Variants in SLC22A15 observed in about 807,000 individuals in gnomAD.
The protein encoded by SLC22A15 is solute carrier family 22 member 15.
In SLC22A15, 45 loss-of-function variants were observed where a neutral mutation model predicts 62.7. That is an observed-to-expected ratio of 0.72 (90% CI 0.56 to 0.92). The LOEUF is 0.92. Among genes scored for constraint, SLC22A15 ranks in the 40% least tolerant of loss-of-function variants. SLC22A15 has a pLI of 0.00. For missense variants in SLC22A15, 622 were observed against 665.6 expected (o/e 0.93, Z 0.72); for synonymous variants, 264 against 267.0 (o/e 0.99, Z 0.11).
At chr1:116,030,932 T>C (rs760448480) in intron 5 of SLC22A15, among the ~76,000 whole-genome samples, 3 of 152,150 alleles carry the variant, frequency 2.0e-5, no homozygotes, top group Non-Finnish European at 4.4e-5. Context: ...GTCAGGCTTT[T>C]TTAGAACTTA....
intron 9 of SLC22A15, among the ~76,000 whole-genome samples, chr1:116,063,277 A>T (rs1658425041): frequency 6.6e-6 from 1 of 152,232 alleles, no homozygotes; most frequent in Admixed American, 6.5e-5. Flanking sequence ...CAAAATACAC[A>T]CATTTTTAGA....
chr1:116,026,858 T>C, intron 4 of SLC22A15, 35 bp from the exon 5 acceptor site: 1 of 1,608,716 alleles, frequency 6.2e-7, no homozygotes, highest in Non-Finnish European at 8.5e-7. Flanking sequence ...CAGATGGTGC[T>C]TTCTCCAGTG....
At chr1:116,055,489 G>A (rs1460766798) in intron 8 of SLC22A15, among the ~76,000 whole-genome samples, 3 of 149,154 alleles carry the variant, frequency 2.0e-5, no homozygotes, top group African/African-American at 4.9e-5. Flanking sequence ...AGGAGGAACT[G>A]GTACCATTCC....
At chr1:116,053,393 A>T (rs1426505403) in intron 8 of SLC22A15, among the ~76,000 whole-genome samples, 3 of 152,208 alleles carry the variant, frequency 2.0e-5, no homozygotes, top group South Asian at 4.1e-4. Context: ...TCCAAGAAAT[A>T]TGGGACTATG....
At chr1:116,029,439 C>A (rs943608683) in intron 5 of SLC22A15, among the ~76,000 whole-genome samples, 15 of 152,214 alleles carry the variant, frequency 9.9e-5, no homozygotes, top group African/African-American at 3.1e-4. Context: ...ATGTAGAGGA[C>A]GGCATGTTCA....
chr1:116,036,463 T>C (rs1657632115), intron 7 of SLC22A15, among the ~76,000 whole-genome samples: 1 of 152,088 alleles, frequency 6.6e-6, no homozygotes, highest in Non-Finnish European at 1.5e-5. Flanking sequence ...AGAGTTAGGA[T>C]TGAAATCTGA....
intron 6 of SLC22A15, chr1:116,032,562 A>G: frequency 1.0e-6 from 1 of 985,414 alleles, no homozygotes; most frequent in Non-Finnish European, 1.2e-6. Context: ...ATTTTTCTAT[A>G]TCATATACTC....
At chr1:116,046,666 G>T (rs1255893320) in intron 8 of SLC22A15, among the ~76,000 whole-genome samples, 8 of 152,180 alleles carry the variant, frequency 5.3e-5, no homozygotes, top group Non-Finnish European at 1.2e-4. Context: ...AGGACCCACA[G>T]TCCCTCTGAA....
chr1:116,056,159 A>C (rs1261330950), intron 8 of SLC22A15, among the ~76,000 whole-genome samples: 2 of 152,110 alleles, frequency 1.3e-5, no homozygotes, highest in Non-Finnish European at 2.9e-5. Flanking sequence ...AGAAAATCCC[A>C]TTGTCTCAGC....
chr1:116,022,631 C>A (rs1473234885), intron 4 of SLC22A15, among the ~76,000 whole-genome samples: 1 of 152,220 alleles, frequency 6.6e-6, no homozygotes, highest in Non-Finnish European at 1.5e-5. Context: ...AGGACCAACC[C>A]TGGTCTCTTG....
intron 8 of SLC22A15, among the ~76,000 whole-genome samples, chr1:116,039,223 G>C (rs1657717143): frequency 6.6e-6 from 1 of 152,162 alleles, no homozygotes; most frequent in Admixed American, 6.5e-5. Flanking sequence ...AGAAAACGTG[G>C]ATGTATTGTC....
intron 8 of SLC22A15, among the ~76,000 whole-genome samples, chr1:116,060,562 T>C (rs781101503): frequency 2.0e-5 from 3 of 152,220 alleles, no homozygotes; most frequent in Non-Finnish European, 2.9e-5. Flanking sequence ...TTCTGAAAGA[T>C]ACCATTCTGT....
At chr1:116,048,775 G>A (rs956012340) in intron 8 of SLC22A15, among the ~76,000 whole-genome samples, 2 of 152,146 alleles carry the variant, frequency 1.3e-5, no homozygotes, top group African/African-American at 4.8e-5. Context: ...AATGTAAATG[G>A]CCTAACTGCT....
chr1:116,044,464 T>C (rs1171889014), intron 8 of SLC22A15, among the ~76,000 whole-genome samples: 1 of 152,226 alleles, frequency 6.6e-6, no homozygotes, highest in African/African-American at 2.4e-5. Context: ...AATACTTATA[T>C]TCTAAGGTCA....
intron 8 of SLC22A15, among the ~76,000 whole-genome samples, chr1:116,038,803 A>C (rs1471426301): frequency 2.2e-4 from 34 of 152,308 alleles, no homozygotes; most frequent in Non-Finnish European, 5.9e-5. Flanking sequence ...AGCTGCAATA[A>C]TAGTCCAGCT....
intron 8 of SLC22A15, among the ~76,000 whole-genome samples, chr1:116,043,133 T>C (rs1285338979): frequency 6.6e-6 from 1 of 152,180 alleles, no homozygotes; most frequent in Non-Finnish European, 1.5e-5. Context: ...CAGTAAAATA[T>C]ACTGTATCAG....
chr1:116,001,548 G>T (rs1298836759), intron 2 of SLC22A15, among the ~76,000 whole-genome samples: 2 of 151,736 alleles, frequency 1.3e-5, no homozygotes, highest in East Asian at 3.9e-4. Flanking sequence ...TGATTCCTCT[G>T]TGTATTTTCA....
intron 8 of SLC22A15, among the ~76,000 whole-genome samples, chr1:116,057,058 G>T (rs1455443310): frequency 1.6e-4 from 24 of 151,950 alleles, no homozygotes; most frequent in South Asian, 2.1e-4. Context: ...TGACAAATGG[G>T]ATCTAATTAA....
Position 116,060,260 on chromosome 1 carries a change from C to T in SLC22A15, c.1172-2502C>T, listed in dbSNP as rs569248966. Among the ~76,000 whole-genome samples, 4 of 152,302 alleles carry T rather than the reference C, an allele frequency of 2.6e-5. No homozygotes were observed. In the East Asian group the frequency reaches 7.7e-4, roughly 29 times the overall value. ...TATTTTGAGGAAAAAGTGAATTACC[C>T]TGGTTTAAATGGCAACTGCAGACCC... On this transcript the variant is annotated intron_variant, in intron 8 of 11. Transcript: ENST00000369503.
Sources: gnomAD v4.1 joint callset for allele counts (sites outside exome capture counted in the v4.1 genomes callset) on GRCh38, gnomAD v4.1.1 for gene constraint, MANE v1.5 for transcripts, NCBI Gene and HGNC (gene_info 2026-07-23, HGNC 2026-07-21) for gene names.